The following SNX5 variants were observed in gnomAD, a reference collection of about 807,000 sequenced individuals.
The protein encoded by SNX5 is sorting nexin 5, also known as sorting nexin-5.
A neutral mutation model predicts 53.9 loss-of-function variants in SNX5; 31 were observed. The ratio of observed to expected loss-of-function variants is 0.58; its 90% CI spans 0.43 to 0.78. The LOEUF is 0.78. Ranked by LOEUF, SNX5 falls within the 30% of genes least tolerant of loss-of-function variation. The pLI is 0.00. For missense variants in SNX5, 471 were observed against 478.8 expected, an observed-to-expected ratio of 0.98 and a Z score of 0.15; for synonymous variants, 168 against 171.1, an observed-to-expected ratio of 0.98 and a Z score of 0.14.
chr20:17,944,934 C>G (rs2039467759), intron 11 of SNX5: 1 of 152,144 alleles, frequency 6.6e-6, no homozygotes, highest in African/African-American at 2.4e-5. Context: ...TGCATGTCCG[C>G]CCTAATTCCT....
chr20:17,966,556 T>C (rs960897653), intron 1 of SNX5, among the ~76,000 whole-genome samples: 3 of 152,228 alleles, frequency 2.0e-5, no homozygotes, highest in Non-Finnish European at 2.9e-5. Context: ...ACTGACACAG[T>C]ATTCCCTTTC....
At chr20:17,945,882 C>T (rs543768268) in intron 11 of SNX5, among the ~76,000 whole-genome samples, 1 of 152,304 alleles carries the variant, frequency 6.6e-6, no homozygotes, top group Non-Finnish European at 1.5e-5. Flanking sequence ...TACCCTACCA[C>T]TGGGAAACAA....
At chr20:17,951,478 C>T (rs2039566779) in intron 6 of SNX5, 22 bp downstream of exon 6, 8 of 1,537,404 alleles carry the variant, frequency 5.2e-6, no homozygotes, top group Non-Finnish European at 7.2e-6. Flanking sequence ...AAAATTTTCT[C>T]CAACAGCCAA....
At chr20:17,963,694 T>C (rs1447552950) in intron 1 of SNX5, among the ~76,000 whole-genome samples, 1 of 152,174 alleles carries the variant, frequency 6.6e-6, no homozygotes, top group African/African-American at 2.4e-5. Flanking sequence ...GATGAGGGTG[T>C]TGAAGGACAT....
Position 17,950,288 on chromosome 20 carries a change from T to C in SNX5, c.715+3A>G. 1 of 1,611,604 alleles carries C rather than the reference T, an allele frequency of 6.2e-7. No individual in the cohort carries two copies. Among genetic ancestry groups the C allele is most frequent in the Non-Finnish European group, 8.5e-7 (1 of 1,177,688 alleles). Reference sequence around the variant, plus strand: ...GCTCTGACTAGCGGTAAATGATATTTACTTTTATGAGATCTGGTCATTTTG... The same window carrying C: ...GCTCTGACTAGCGGTAAATGATATTCACTTTTATGAGATCTGGTCATTTTG... On this transcript the variant is annotated splice_donor_region_variant and intron_variant, in intron 7 of 12. Transcript: ENST00000377759.
At chr20:17,957,915 G>GT (rs1184595366) in intron 1 of SNX5, among the ~76,000 whole-genome samples, 6 of 149,278 alleles carry the variant, frequency 4.0e-5, no homozygotes, top group African/African-American at 1.2e-4. Flanking sequence ...AGCAACAAGT[G>GT]TGAGCATCAC....
At chr20:17,945,992 A>T (rs1343256580) in intron 11 of SNX5, among the ~76,000 whole-genome samples, 1 of 152,230 alleles carries the variant, frequency 6.6e-6, no homozygotes. Context: ...AACTACTCAC[A>T]TTCTGGGTAA....
intron 2 of SNX5, among the ~76,000 whole-genome samples, chr20:17,956,246 C>A (rs1307249128): frequency 6.6e-6 from 1 of 152,216 alleles, no homozygotes; most frequent in Non-Finnish European, 1.5e-5. Context: ...CTCCTTTGAT[C>A]TGGTAAGCTC....
At position 17,953,991 on chromosome 20, in the gene SNX5, C is replaced by T. The variant is rs779231328; in HGVS notation, c.389+5G>A. ...AGACAGAGCCCACCAGGAAAATCCA[C>T]TTACGCTTCCAGTTCTTGTTTCATC... is the stretch of plus-strand genomic sequence containing the variant. On this transcript the variant is annotated splice_donor_5th_base_variant and intron_variant, in intron 4 of 12. Transcript: ENST00000377759. 1 of 1,612,812 alleles carries T rather than the reference C, an allele frequency of 6.2e-7. No homozygotes were observed. The highest frequency in any genetic ancestry group is 8.5e-7 in the Non-Finnish European group (1 of 1,179,076).
rs1205779327 is a variant in SNX5 at position 17,968,505 on chromosome 20, G to A, written c.-80C>T. ...GGGCCGCCGCCGCCGCCGCCTGGGC[G>A]CCTCTCGGGGGCGGCCACGGCCCCG... On this transcript the variant is annotated 5_prime_UTR_variant, in exon 1 of 13. Transcript: ENST00000377759. 4 of 1,245,602 alleles carry A rather than the reference G, an allele frequency of 3.2e-6. No homozygotes were observed. The highest frequency in any genetic ancestry group is 4.2e-5 in the Admixed American group (1 of 23,770). The allele number at this position is 1,245,602 out of a possible 1,614,324, so 77.2% of individuals were successfully genotyped here.
At chr20:17,942,888 T>G in intron 12 of SNX5, 1 of 427,150 alleles carries the variant, frequency 2.3e-6, no homozygotes, top group Non-Finnish European at 4.0e-6. Flanking sequence ...TGAAACCCCA[T>G]CTCTATTAAA....
In SNX5 at chr20:17,942,425, A is replaced by G. The variant is rs1200622572; in HGVS notation, c.1165-18T>C. ...ACATTGTTCTGTGGGGAAAAAAGGC[A>G]AGGCAGACCAGTGAATTATTAAAAC... On this transcript the variant is annotated intron_variant, in intron 12 of 12. Transcript: ENST00000377759. 3 of 1,598,900 alleles carry G rather than the reference A, an allele frequency of 1.9e-6. No individual in the cohort carries two copies. Among genetic ancestry groups the G allele is most frequent in the Non-Finnish European group, 2.6e-6 (3 of 1,166,484 alleles).
Position 17,948,907 on chromosome 20 carries a change from T to C in SNX5, c.901A>G (p.Asn301Asp), listed in dbSNP as rs767494545. Reference sequence around the variant, plus strand: ...CTTCCTACCTTAGCAGCTTCAATGTTGAGCATGTAGTATCGGAGGAGCTCT... The same window carrying C: ...CTTCCTACCTTAGCAGCTTCAATGTCGAGCATGTAGTATCGGAGGAGCTCT... Reference protein sequence around the residue: ...LTELLRYYMLNIEAAKDLLYR... With the variant: ...LTELLRYYMLDIEAAKDLLYR... The change falls in exon 10 of 13, where the codon AAC becomes GAC. Residue 301 changes from asparagine to aspartate, a missense_variant. Transcript: ENST00000377759. The C allele has an allele frequency of 1.9e-6, 3 of 1,611,956 alleles. No homozygotes were observed. The highest frequency in any genetic ancestry group is 3.3e-5 in the Admixed American group (2 of 60,004).
intron 10 of SNX5, among the ~76,000 whole-genome samples, chr20:17,948,168 G>C (rs2039512104): frequency 6.6e-6 from 1 of 152,240 alleles, no homozygotes; most frequent in Non-Finnish European, 1.5e-5. Flanking sequence ...ATGATGTATA[G>C]ATTACACATT....
In SNX5 at chr20:17,950,398, T is replaced by C; in HGVS notation, c.610-2A>G. ...TTGCTCAAAGAAGTCATCTACCTCC[T>C]AGAAGGAAGAAAAAAAGAACCAGAC... On this transcript the variant is annotated splice_acceptor_variant, in intron 6 of 12. Transcript: ENST00000377759. LOFTEE classifies it high-confidence loss of function. The C allele has an allele frequency of 6.4e-7, 1 of 1,553,276 alleles. No individual in the cohort carries two copies. Among genetic ancestry groups the C allele is most frequent in the Non-Finnish European group, 8.9e-7 (1 of 1,129,530 alleles).
chr20:17,956,742 G>A (rs2035367915), intron 2 of SNX5, among the ~76,000 whole-genome samples, 191 bp downstream of exon 2: 1 of 144,260 alleles, frequency 6.9e-6, no homozygotes, highest in African/African-American at 2.6e-5. Context: ...CTCTGCCACA[G>A]CAGAATGCTG....
intron 1 of SNX5, among the ~76,000 whole-genome samples, chr20:17,965,269 A>G (rs1317726197): frequency 2.6e-5 from 4 of 152,202 alleles, no homozygotes; most frequent in Non-Finnish European, 5.9e-5. Context: ...TTCACATCCT[A>G]CAACCCAGAG....
At chr20:17,945,771 T>C (rs1373081283) in intron 11 of SNX5, among the ~76,000 whole-genome samples, 1 of 152,190 alleles carries the variant, frequency 6.6e-6, no homozygotes, top group Non-Finnish European at 1.5e-5. Context: ...TGTATTATAA[T>C]CCTGAATAGA....
At chr20:17,965,357 C>A (rs542405456) in intron 1 of SNX5, among the ~76,000 whole-genome samples, 4 of 152,090 alleles carry the variant, frequency 2.6e-5, no homozygotes, top group Non-Finnish European at 5.9e-5. Flanking sequence ...TTAAACTCAA[C>A]CTCTAGTTTA....
Sources: allele counts gnomAD v4.1 joint callset (sites outside exome capture counted in the v4.1 genomes callset), GRCh38; gene constraint gnomAD v4.1.1; transcripts MANE v1.5; gene names NCBI Gene and HGNC (gene_info 2026-07-23, HGNC 2026-07-21).